Variants in SYNJ2 observed in about 807,000 individuals in gnomAD.
The protein encoded by SYNJ2 is synaptojanin 2, also known as polyphosphatidylinositol phosphatase SYNJ2.
SYNJ2 carries 116 observed loss-of-function variants against 141.3 expected under a neutral mutation model. The ratio of observed to expected loss-of-function variants is 0.82; its 90% CI spans 0.71 to 0.96. SYNJ2 has a LOEUF of 0.96. Among genes scored for constraint, SYNJ2 ranks in the 40% least tolerant of loss-of-function variants. SYNJ2 has a pLI of 0.00. For missense variants in SYNJ2, 1,873 were observed against 1,934.8 expected, an observed-to-expected ratio of 0.97 and a Z score of 0.60; for synonymous variants, 745 against 777.7, an observed-to-expected ratio of 0.96 and a Z score of 0.70.
rs879856117 is a variant in SYNJ2 at position 158,071,315 on chromosome 6, C to G, written c.1941-287C>G. On this transcript the variant is annotated intron_variant, in intron 14 of 26. Coordinates refer to ENST00000355585, the MANE Select transcript of SYNJ2 (RefSeq NM_003898.4). This position sits in a 1 kb window ranked among gnomAD's most constrained non-coding sequence, Gnocchi z 4.3. ...GCGCCGCTCCTGGTGGCAGTGAGAA[C>G]CTGGGCGGATGCAGGCATTGCCCTG... 6.6e-6 allele frequency among the ~76,000 whole-genome samples: 1 copy of G among 152,208 alleles called. No individual in the cohort carries two copies. The highest frequency in any genetic ancestry group is 6.5e-5 in the Admixed American group (1 of 15,284).
intron 2 of SYNJ2, chr6:158,017,942 G>A (rs1778556709): frequency 5.3e-6 from 2 of 377,036 alleles, no homozygotes; most frequent in South Asian, 4.0e-5. Flanking sequence ...CTTCTGCCCA[G>A]GGCATTGTCC....
intron 26 of SYNJ2, among the ~76,000 whole-genome samples, chr6:158,094,664 C>G (rs1783691880): frequency 6.6e-6 from 1 of 152,158 alleles, no homozygotes; most frequent in South Asian, 2.1e-4. Context: ...GGAAAAGAGA[C>G]TTTCTTTTTT....
chr6:157,984,492 C>G lies in SYNJ2; in HGVS notation c.127+2404C>G, dbSNP rs564011472. ...CGGCTGACTGCAACACCGCCACCCC[C>G]ACCTGGGTTCAAGTGATTCTCCTGC... On this transcript the variant is annotated intron_variant, in intron 1 of 26. Transcript: ENST00000355585. 1.1e-3 allele frequency among the ~76,000 whole-genome samples: 160 copies of G among 152,230 alleles called. 1 individual carries two copies. The South Asian group carries it at 0.013, about 13-fold the overall frequency.
At chr6:158,025,329 G>A (rs910579909) in intron 2 of SYNJ2, among the ~76,000 whole-genome samples, 2 of 152,062 alleles carry the variant, frequency 1.3e-5, no homozygotes, top group East Asian at 3.9e-4. Flanking sequence ...TATTAACTTG[G>A]GGGTGCACAC....
intron 1 of SYNJ2, among the ~76,000 whole-genome samples, chr6:157,995,701 A>T (rs1777610693): frequency 6.6e-6 from 1 of 152,234 alleles, no homozygotes; most frequent in Non-Finnish European, 1.5e-5. Flanking sequence ...TGGTGAAATA[A>T]GAGTGGGAAA....
At chr6:157,993,840 A>G (rs1309909556) in intron 1 of SYNJ2, among the ~76,000 whole-genome samples, 12 of 90,770 alleles carry the variant, frequency 1.3e-4, no homozygotes, top group African/African-American at 4.7e-4. Flanking sequence ...TTTGGGACGG[A>G]GTCTCGCTCT....
At position 158,059,294 on chromosome 6, in the gene SYNJ2, G is replaced by T; in HGVS notation, c.895G>T (p.Val299Leu). ...TCTGAAGGAGCAGTACGGGCAGCAG[G>T]TGGTCGTGAACCTTCTGGGAAGCAG... ...VLLKEQYGQQ[V>L]VVNLLGSRGG... The change falls in exon 7 of 27, where the codon GTG (valine) becomes TTG (leucine). Residue 299 changes from valine to leucine, a missense_variant. By Grantham distance (32) the Val-to-Leu change is conservative (BLOSUM62 1). Transcript: ENST00000355585. The T allele has an allele frequency of 6.4e-7, 1 of 1,550,730 alleles. No homozygotes were observed. The highest frequency in any genetic ancestry group is 1.4e-5 in the African/African-American group (1 of 73,202).
At position 158,043,536 on chromosome 6, in the gene SYNJ2, T is replaced by C; in HGVS notation, c.795+137T>C. ...AGTCTTTTTCCTCAGCCCTGTTGTG[T>C]TGAGCTGAGCTATCAAAGTGTGCAC... On this transcript the variant is annotated intron_variant, in intron 5 of 26. Coordinates refer to ENST00000355585, the MANE Select transcript of SYNJ2 (RefSeq NM_003898.4). The surrounding 1 kb of genome is among the most constrained non-coding windows in gnomAD (Gnocchi z 4.0). 3.1e-6 allele frequency: 2 copies of C among 646,950 alleles called. No homozygotes were observed. Among genetic ancestry groups the C allele is most frequent in the Non-Finnish European group, 5.4e-6 (2 of 370,346 alleles). The allele number at this position is 646,950 out of a possible 1,614,324, so 40.1% of individuals were successfully genotyped here. A position where few individuals can be genotyped will look rare whatever the true frequency, so the allele number is the denominator to read the frequency against.
chr6:158,006,854 G>A (rs940275331), intron 1 of SYNJ2, among the ~76,000 whole-genome samples: 6 of 150,508 alleles, frequency 4.0e-5, no homozygotes, highest in Non-Finnish European at 7.4e-5. Flanking sequence ...TGTATTTTTA[G>A]TGGAGGTGGG....
rs115480282 is a variant in SYNJ2, at chr6:158,081,316, T to C, written c.2775T>C (p.Ile925=). The part of the protein sequence containing the change: ...LMQTLGSYGT[I]VLVRINQGQM... ...AGACCTTGGGGAGTTATGGGACAATTGTTCTTGTCAGGTAACTGCTCCCCT... is the reference window on the plus strand; with the variant it reads ...AGACCTTGGGGAGTTATGGGACAATCGTTCTTGTCAGGTAACTGCTCCCCT... The change falls in exon 19 of 27, where the codon ATT becomes ATC. Residue 925 remains isoleucine (I), a synonymous_variant. Coordinates refer to ENST00000355585, the MANE Select transcript of SYNJ2 (RefSeq NM_003898.4). 2,629 of 1,614,102 alleles carry C rather than the reference T, an allele frequency of 1.6e-3. 49 individuals are homozygous for C. In the African/African-American group the frequency reaches 0.03, roughly 19 times the overall value.
rs767779563 is a variant in SYNJ2, at chr6:158,081,115, G to A, written c.2574G>A (p.Val858=). The change falls in exon 19 of 27, where the codon GTG becomes GTA. Residue 858 remains valine, a synonymous_variant. Transcript: ENST00000355585. ...AELQASDHRP[V]LAIVEVEVQE... ...TCTTTTGTTCCTAACGCAGACCTGT[G>A]CTGGCGATCGTGGAGGTGGAAGTTC... 1.9e-6 allele frequency: 3 copies of A among 1,613,898 alleles called. No individual in the cohort carries two copies. Among genetic ancestry groups the A allele is most frequent in the Non-Finnish European group, 2.5e-6 (3 of 1,180,022 alleles).
chr6:158,055,824 CT>C (rs1446304294), intron 6 of SYNJ2, among the ~76,000 whole-genome samples: 3 of 152,280 alleles, frequency 2.0e-5, no homozygotes, highest in African/African-American at 7.2e-5. Context: ...ATGTGACCCC[CT>C]GATTAGTGTG....
intron 1 of SYNJ2, among the ~76,000 whole-genome samples, chr6:158,003,221 G>A (rs937663146): frequency 2.6e-5 from 4 of 152,210 alleles, no homozygotes; most frequent in African/African-American, 9.7e-5. Flanking sequence ...CATGTGGCCT[G>A]GACTTTTTGG....
At chr6:157,990,703 T>TC (rs1303114796) in intron 1 of SYNJ2, among the ~76,000 whole-genome samples, 2 of 152,240 alleles carry the variant, frequency 1.3e-5, no homozygotes, top group African/African-American at 4.8e-5. Flanking sequence ...GTGCAGTTTC[T>TC]CACCCCTGCT....
chr6:158,037,196 C>T (rs1021850618), intron 4 of SYNJ2, among the ~76,000 whole-genome samples: 6 of 152,100 alleles, frequency 3.9e-5, no homozygotes, highest in South Asian at 2.1e-4. Flanking sequence ...ATCCAGGTGT[C>T]GGCAGGACTG....
At chr6:158,075,968 A>T (rs988317197) in intron 16 of SYNJ2, among the ~76,000 whole-genome samples, 13 of 115,960 alleles carry the variant, frequency 1.1e-4, no homozygotes, top group Non-Finnish European at 9.1e-5. Context: ...AGGCGGGAGG[A>T]TTGCCTAAGC....
At chr6:158,057,744 T>A (rs1474407581) in intron 6 of SYNJ2, among the ~76,000 whole-genome samples, 1 of 152,244 alleles carries the variant, frequency 6.6e-6, no homozygotes, top group Admixed American at 6.5e-5. Context: ...CATTGTGGGA[T>A]GTGGCTTGGA....
intron 4 of SYNJ2, among the ~76,000 whole-genome samples, chr6:158,037,058 A>G (rs1285048107): frequency 6.6e-6 from 1 of 152,238 alleles, no homozygotes; most frequent in Non-Finnish European, 1.5e-5. Context: ...AACACCGGAC[A>G]TTCTAACACG....
At chr6:158,015,825 C>T (rs1778432563) in intron 1 of SYNJ2, among the ~76,000 whole-genome samples, 2 of 152,030 alleles carry the variant, frequency 1.3e-5, no homozygotes, top group Admixed American at 1.3e-4. Flanking sequence ...TATTTGTGAT[C>T]ATATTTATTT....
Sources: allele counts gnomAD v4.1 joint callset (sites outside exome capture counted in the v4.1 genomes callset), GRCh38; gene constraint gnomAD v4.1.1; non-coding constraint Gnocchi (gnomAD v3.1); transcripts MANE v1.5; gene names NCBI Gene and HGNC (gene_info 2026-07-23, HGNC 2026-07-21).